TUBGCP3: variants seen among roughly 807,000 people sequenced by gnomAD.
TUBGCP3 encodes the protein gamma-tubulin complex component 3.
TUBGCP3 carries 50 observed loss-of-function variants against 123.1 expected under a neutral mutation model. The ratio of observed to expected loss-of-function variants is 0.41; its 90% CI spans 0.32 to 0.51. The LOEUF (loss-of-function observed/expected upper bound fraction) is 0.51. Ranked by LOEUF, TUBGCP3 falls within the 20% of genes least tolerant of loss-of-function variation. The pLI is 0.36. For missense variants in TUBGCP3, 882 were observed against 1,127.0 expected, an observed-to-expected ratio of 0.78 and a Z score of 3.11; for synonymous variants, 405 against 413.9, an observed-to-expected ratio of 0.98 and a Z score of 0.26.
chr13:112,495,325 A>ACTTC (rs1160522563), intron 20 of TUBGCP3, among the ~76,000 whole-genome samples: 1 of 152,260 alleles, frequency 6.6e-6, no homozygotes, highest in African/African-American at 2.4e-5. Context: ...TTCTCTCTGT[A>ACTTC]CTTCCTCTCA....
chr13:112,571,737 G>C (rs1216102124), intron 1 of TUBGCP3, among the ~76,000 whole-genome samples: 2 of 152,212 alleles, frequency 1.3e-5, no homozygotes, highest in Non-Finnish European at 2.9e-5. Context: ...CTGAAAATCT[G>C]TTGTTAGTGT....
At position 112,504,716 on chromosome 13, in the gene TUBGCP3, T is replaced by A; in HGVS notation, c.2087-2A>T. 6.2e-7 allele frequency: 1 copy of A among 1,613,108 alleles called. No individual in the cohort carries two copies. On this transcript the variant is annotated splice_acceptor_variant, in intron 17 of 21. Transcript: ENST00000261965. LOFTEE classifies it high-confidence loss of function. ...ACTGGTGCAGCACCCCGGAGAACTC[T>A]GCAAGGGAAGAGTTGACGTCAGAGG...
chr13:112,556,403 G>C (rs556552500), intron 5 of TUBGCP3, among the ~76,000 whole-genome samples, 179 bp from the exon 6 acceptor site: 1 of 152,222 alleles, frequency 6.6e-6, no homozygotes, highest in Admixed American at 6.5e-5. Flanking sequence ...CAAGTCCCTT[G>C]AACTTGGTCA....
intron 1 of TUBGCP3, among the ~76,000 whole-genome samples, chr13:112,580,508 T>C (rs573128864): frequency 1.2e-3 from 181 of 152,014 alleles, no homozygotes; most frequent in African/African-American, 4.1e-3. Flanking sequence ...AAAAAAATAA[T>C]AAATTTTAAA....
At chr13:112,522,750 A>G (rs1876727149) in intron 13 of TUBGCP3, among the ~76,000 whole-genome samples, 1 of 152,152 alleles carries the variant, frequency 6.6e-6, no homozygotes, top group African/African-American at 2.4e-5. Flanking sequence ...TGTCTTCATG[A>G]TTTCCAAATC....
At chr13:112,573,799 TC>T (rs1190271078) in intron 1 of TUBGCP3, among the ~76,000 whole-genome samples, 5 of 151,742 alleles carry the variant, frequency 3.3e-5, no homozygotes, top group African/African-American at 1.2e-4. Flanking sequence ...TACCTCCAGA[TC>T]CCCCCACCCC....
chr13:112,505,050 T>C (rs1881199812), intron 17 of TUBGCP3, among the ~76,000 whole-genome samples: 1 of 152,240 alleles, frequency 6.6e-6, no homozygotes, highest in Non-Finnish European at 1.5e-5. Flanking sequence ...CTCTACTTCA[T>C]GGCTTTACAA....
the TUBGCP3 span, among the ~76,000 whole-genome samples, chr13:112,595,270 C>T: frequency 6.6e-6 from 1 of 151,812 alleles, no homozygotes; most frequent in Non-Finnish European, 1.5e-5. Context: ...AATCTCAGCT[C>T]ACTGCAAGCT....
At chr13:112,553,465 G>A (rs1218869746) in intron 8 of TUBGCP3, among the ~76,000 whole-genome samples, 1 of 152,240 alleles carries the variant, frequency 6.6e-6, no homozygotes, top group Non-Finnish European at 1.5e-5. Context: ...ACAAAGAAGG[G>A]CTGGACAGTG....
rs1327298785 is a variant in TUBGCP3, at chr13:112,527,024, A to G, written c.1473T>C (p.Asn491=). 5 of 1,613,870 alleles carry G rather than the reference A, an allele frequency of 3.1e-6. No homozygotes were observed. Among genetic ancestry groups the G allele is most frequent in the Non-Finnish European group, 4.2e-6 (5 of 1,179,934 alleles). ...RKVLLIGKSI[N]FLHQVCHDQT... is the part of the protein sequence containing the mutation. ...GATCATGACAAACTTGGTGCAAGAA[A>G]TTTATTGATTTTCCTATCAAAAGGA... The change falls in exon 13 of 22, where the codon AAT becomes AAC. Residue 491 remains asparagine, a synonymous_variant. Transcript: ENST00000261965.
chr13:112,564,373 C>T lies in TUBGCP3; in HGVS notation c.252+738G>A, dbSNP rs537746468. ...TGTGTAACACTAACAGTATTTGTTG[C>T]GCAAAGCACTAAACCTCTCTAGATT... On this transcript the variant is annotated intron_variant, in intron 3 of 21. Coordinates refer to ENST00000261965, the MANE Select transcript of TUBGCP3 (RefSeq NM_006322.6). 1.1e-4 allele frequency among the ~76,000 whole-genome samples: 16 copies of T among 152,282 alleles called. No individual in the cohort carries two copies. The South Asian group carries it at 1.5e-3, about 14-fold the overall frequency.
intron 20 of TUBGCP3, among the ~76,000 whole-genome samples, chr13:112,493,582 T>C (rs562060228): frequency 2.0e-5 from 3 of 150,302 alleles, no homozygotes; most frequent in Non-Finnish European, 4.4e-5. Context: ...GCTCTAGCTA[T>C]AGGAACATGG....
intron 8 of TUBGCP3, among the ~76,000 whole-genome samples, chr13:112,551,588 G>A (rs1879592391): frequency 6.6e-6 from 1 of 152,198 alleles, no homozygotes; most frequent in African/African-American, 2.4e-5. Flanking sequence ...TGGAAGAACA[G>A]AGACAGCTTT....
At position 112,519,805 on chromosome 13, in the gene TUBGCP3, T is replaced by C. The variant is rs900131642; in HGVS notation, c.1881+81A>G. 18 of 1,495,730 alleles carry C rather than the reference T, an allele frequency of 1.2e-5. No individual in the cohort carries two copies. The highest frequency in any genetic ancestry group is 1.6e-5 in the Non-Finnish European group (18 of 1,122,056). 92.7% of individuals were successfully genotyped at this position (1,495,730 alleles called of 1,614,324 possible). A position where few individuals can be genotyped will look rare whatever the true frequency, so the allele number is the denominator to read the frequency against. ...ACGGCTAGCTGTGCCTGAAACAACA[T>C]GGAAAACACTCGCTAGAACACCCCG... is the stretch of plus-strand genomic sequence containing the variant. On this transcript the variant is annotated intron_variant, in intron 15 of 21. Transcript: ENST00000261965. This position sits in a 1 kb window ranked among gnomAD's most constrained non-coding sequence, Gnocchi z 6.2.
chr13:112,518,858 T>A (rs1461169094), intron 16 of TUBGCP3, 117 bp downstream of exon 16: 6 of 839,546 alleles, frequency 7.1e-6, no homozygotes, highest in Non-Finnish European at 1.2e-5. Flanking sequence ...GAGTAGATCT[T>A]AGATGTCGAG....
rs34264269 is a variant in TUBGCP3, at chr13:112,504,485, CAAAAAAAAAA to C, written c.2175+131_2175+140del. ...CCTAGGCGACAGCAAGACTCCATCT[CAAAAAAAAAA>C]AAAAAGAAAAAATTATGTATATATA... On this transcript the variant is annotated intron_variant, in intron 18 of 21. Transcript: ENST00000261965. 4 of 359,054 alleles carry C rather than the reference CAAAAAAAAAA, an allele frequency of 1.1e-5. 1 individual carries two copies. The highest frequency in any genetic ancestry group is 1.8e-5 in the Non-Finnish European group (4 of 221,474). 22.2% of individuals were successfully genotyped at this position (359,054 alleles called of 1,614,324 possible).
In TUBGCP3 at chr13:112,499,172, T is replaced by G; in HGVS notation, c.2321A>C (p.Gln774Pro). 1 of 1,609,738 alleles carries G rather than the reference T, an allele frequency of 6.2e-7. No individual in the cohort carries two copies. Among genetic ancestry groups the G allele is most frequent in the Non-Finnish European group, 8.5e-7 (1 of 1,178,324 alleles). The change falls in exon 20 of 22, where the codon CAA becomes CCA. Residue 774 changes from glutamine to proline, a missense_variant. Physicochemically the swap from Gln to Pro is moderately conservative, Grantham distance 76 (BLOSUM62 -1). This residue lies in a region of TUBGCP3 where 160 missense variants were observed against 220.3 expected (regional missense o/e 0.73). Coordinates refer to ENST00000261965, the MANE Select transcript of TUBGCP3 (RefSeq NM_006322.6). ...LDSDSRALLN[Q>P]LRAVFDQIIE... Reference sequence around the variant, plus strand: ...AATTTGATCAAACACAGCTCTAAGTTGATTTAAAAGTGCCTGAAAGAGATG... The same window carrying G: ...AATTTGATCAAACACAGCTCTAAGTGGATTTAAAAGTGCCTGAAAGAGATG...
chr13:112,550,956 G>A (rs573314667), intron 8 of TUBGCP3, among the ~76,000 whole-genome samples: 5 of 152,100 alleles, frequency 3.3e-5, no homozygotes, highest in African/African-American at 7.2e-5. Context: ...AAAATTAGCC[G>A]GGCGTGGTGG....
At chr13:112,598,748 T>C in the TUBGCP3 span, among the ~76,000 whole-genome samples, 1 of 151,900 alleles carries the variant, frequency 6.6e-6, no homozygotes, top group Non-Finnish European at 1.5e-5. Context: ...ATGGAGACCA[T>C]CCTGGCTAAC....
Sources: allele counts gnomAD v4.1 joint callset (sites outside exome capture counted in the v4.1 genomes callset), GRCh38; gene constraint gnomAD v4.1.1; regional missense constraint gnomAD v4.1.1; non-coding constraint Gnocchi (gnomAD v3.1); transcripts MANE v1.5; gene names NCBI Gene and HGNC (gene_info 2026-07-23, HGNC 2026-07-21).